Variants in BMPR1A observed in about 807,000 individuals in gnomAD.
BMPR1A encodes the protein bone morphogenetic protein receptor type-1A.
In BMPR1A, 7 loss-of-function variants were observed where a neutral mutation model predicts 66.0. The observed-to-expected ratio is 0.11, with a 90% CI of 0.06 to 0.20. The LOEUF (loss-of-function observed/expected upper bound fraction) is 0.20. BMPR1A is among the 10% of genes least tolerant of loss of function. The pLI is 1.00. For missense variants in BMPR1A, 408 were observed against 669.1 expected (o/e 0.61, Z 4.31); for synonymous variants, 200 against 229.7 (o/e 0.87, Z 1.17).
At chr10:86,848,442 G>A (rs1472910064) in intron 2 of BMPR1A, among the ~76,000 whole-genome samples, 3 of 151,792 alleles carry the variant, frequency 2.0e-5, no homozygotes, top group Admixed American at 1.3e-4. Context: ...CTTGTACTTC[G>A]TATTATTTAT....
chr10:86,826,175 G>A (rs533926118), intron 1 of BMPR1A, among the ~76,000 whole-genome samples: 4 of 152,132 alleles, frequency 2.6e-5, no homozygotes, highest in South Asian at 2.1e-4. Context: ...ATTTTAGCAC[G>A]TGTATCCTAA....
At chr10:86,780,408 A>T (rs1046565274) in intron 1 of BMPR1A, among the ~76,000 whole-genome samples, 1 of 151,266 alleles carries the variant, frequency 6.6e-6, no homozygotes, top group African/African-American at 2.4e-5. Context: ...TGTTTCCCCT[A>T]TGTTTTCTTA....
chr10:86,876,987 A>G lies in BMPR1A; in HGVS notation c.67+902A>G, dbSNP rs1842928019. Among the ~76,000 whole-genome samples, 2 of 152,196 alleles carry G rather than the reference A, an allele frequency of 1.3e-5. No homozygotes were observed. Among genetic ancestry groups the G allele is most frequent in the Admixed American group, 6.5e-5 (1 of 15,274 alleles). The stretch of plus-strand genomic sequence containing the variant: ...AGGACCAGATGGCCTGTATTTGCAC[A>G]TAAGCTTTTTCCTGTATGGTTTAAG... On this transcript the variant is annotated intron_variant, in intron 3 of 12. Coordinates refer to ENST00000372037, the MANE Select transcript of BMPR1A (RefSeq NM_004329.3).
chr10:86,895,462 C>T (rs1843212608), intron 5 of BMPR1A, among the ~76,000 whole-genome samples: 1 of 151,762 alleles, frequency 6.6e-6, no homozygotes, highest in African/African-American at 2.4e-5. Context: ...TGCTTGAACA[C>T]AGGAGGTGGA....
chr10:86,817,828 A>C (rs1842056543), intron 1 of BMPR1A, among the ~76,000 whole-genome samples: 1 of 152,234 alleles, frequency 6.6e-6, no homozygotes, highest in South Asian at 2.1e-4. Flanking sequence ...AAACAAAAAA[A>C]ACTGGAGAAA....
At chr10:86,928,058 G>C, downstream of BMPR1A, 1 of 170,182 alleles carries the variant, frequency 5.9e-6, no homozygotes, top group Non-Finnish European at 1.3e-5. Context: ...TTAAGTTAGT[G>C]TATATACATA....
chr10:86,837,231 C>CTGTGTGTGTGTGTG (rs140440137), intron 1 of BMPR1A, among the ~76,000 whole-genome samples: 99 of 143,744 alleles, frequency 6.9e-4, no homozygotes, highest in East Asian at 4.1e-3. Flanking sequence ...TAGAATCAGG[C>CTGTGTGTGTGTGTG]TGTGTGTGTG....
At chr10:86,800,516 C>G (rs1031126446) in intron 1 of BMPR1A, among the ~76,000 whole-genome samples, 1 of 152,188 alleles carries the variant, frequency 6.6e-6, no homozygotes. Context: ...CTCAGTCTCC[C>G]AAGTAGCTGG....
intron 3 of BMPR1A, among the ~76,000 whole-genome samples, chr10:86,883,200 A>T (rs1345457883): frequency 4.6e-5 from 7 of 151,866 alleles, no homozygotes; most frequent in Non-Finnish European, 7.4e-5. Flanking sequence ...TAAGTATAAG[A>T]CACCTTGGCT....
chr10:86,898,427 C>A (rs1589767437), intron 5 of BMPR1A, among the ~76,000 whole-genome samples: 1 of 151,954 alleles, frequency 6.6e-6, no homozygotes, highest in South Asian at 2.1e-4. Flanking sequence ...GGATATAATT[C>A]ACCTAGGTTA....
At chr10:86,760,209 TAATAC>T (rs1841022777) in intron 1 of BMPR1A, among the ~76,000 whole-genome samples, 3 of 128,296 alleles carry the variant, frequency 2.3e-5, no homozygotes, top group East Asian at 2.1e-4. Flanking sequence ...TTTTTTTTTT[TAATAC>T]CTTATTGTTT....
chr10:86,889,085 A>C (rs947283696), intron 3 of BMPR1A, among the ~76,000 whole-genome samples: 1 of 152,186 alleles, frequency 6.6e-6, no homozygotes, highest in African/African-American at 2.4e-5. Context: ...AGTAACCCAC[A>C]AAGAATGGCC....
chr10:86,802,568 C>G (rs534577645), intron 1 of BMPR1A, among the ~76,000 whole-genome samples: 2 of 151,918 alleles, frequency 1.3e-5, no homozygotes, highest in Admixed American at 6.6e-5. Flanking sequence ...TGCTTATAAC[C>G]TAGGTCATTT....
intron 1 of BMPR1A, among the ~76,000 whole-genome samples, chr10:86,765,554 A>G (rs939588345): frequency 2.6e-5 from 4 of 151,564 alleles, no homozygotes; most frequent in South Asian, 2.1e-4. Flanking sequence ...TCCAAGCCTC[A>G]TAGTTGGCTC....
intron 1 of BMPR1A, among the ~76,000 whole-genome samples, chr10:86,809,039 ATCT>A (rs1440015116): frequency 2.0e-5 from 3 of 152,178 alleles, no homozygotes; most frequent in African/African-American, 4.8e-5. Flanking sequence ...ATCTGTTTTG[ATCT>A]TCTTTTATTA....
chr10:86,824,824 AG>A (rs1842170561), intron 1 of BMPR1A, among the ~76,000 whole-genome samples: 1 of 152,170 alleles, frequency 6.6e-6, no homozygotes, highest in South Asian at 2.1e-4. Flanking sequence ...TACATCCTTA[AG>A]GTGACCGGTG....
intron 2 of BMPR1A, among the ~76,000 whole-genome samples, chr10:86,860,019 A>G (rs2133227959): frequency 6.6e-6 from 1 of 152,192 alleles, no homozygotes; most frequent in South Asian, 2.1e-4. Context: ...TAAAATGTCC[A>G]TCAACATGGT....
intron 1 of BMPR1A, among the ~76,000 whole-genome samples, chr10:86,797,031 T>G (rs976746345): frequency 6.6e-6 from 1 of 151,516 alleles, no homozygotes; most frequent in African/African-American, 2.4e-5. Context: ...TCTTCCCAGT[T>G]TATACTCTTA....
At chr10:86,892,590 G>A (rs1843168456) in intron 5 of BMPR1A, among the ~76,000 whole-genome samples, 1 of 152,018 alleles carries the variant, frequency 6.6e-6, no homozygotes, top group Non-Finnish European at 1.5e-5. Flanking sequence ...CACTATACCT[G>A]GCTAATTTTT....
Sources: gnomAD v4.1 joint callset for allele counts (sites outside exome capture counted in the v4.1 genomes callset) on GRCh38, gnomAD v4.1.1 for gene constraint, MANE v1.5 for transcripts, NCBI Gene and HGNC (gene_info 2026-07-23, HGNC 2026-07-21) for gene names.